MBNL1: variants seen among roughly 807,000 people sequenced by gnomAD.
The protein encoded by MBNL1 is muscleblind-like protein 1.
In MBNL1, 8 loss-of-function variants were observed where a neutral mutation model predicts 42.2. The observed-to-expected ratio is 0.19, with a 90% CI of 0.11 to 0.34. The LOEUF is 0.34. Among genes scored for constraint, MBNL1 ranks in the 10% least tolerant of loss-of-function variants. MBNL1 has a pLI of 1.00. For missense variants in MBNL1, 309 were observed against 495.3 expected (o/e 0.62, Z 3.57); for synonymous variants, 169 against 173.9 (o/e 0.97, Z 0.22).
chr3:152,442,609 G>A (rs917152456), intron 4 of MBNL1, among the ~76,000 whole-genome samples: 16 of 152,288 alleles, frequency 1.1e-4, no homozygotes, highest in South Asian at 1.0e-3. Context: ...GTAATAGTAT[G>A]TCTAAGAGAT....
At chr3:152,424,814 A>C (rs1303099291) in intron 3 of MBNL1, among the ~76,000 whole-genome samples, 1 of 152,236 alleles carries the variant, frequency 6.6e-6, no homozygotes, top group African/African-American at 2.4e-5. Flanking sequence ...TGACAAAAGC[A>C]ATGGGGAAAG....
At chr3:152,418,862 G>A (rs376208752) in intron 3 of MBNL1, among the ~76,000 whole-genome samples, 54 of 151,874 alleles carry the variant, frequency 3.6e-4, no homozygotes, top group African/African-American at 1.1e-3. Context: ...GACTACAGGC[G>A]CCCGCCCCCG....
chr3:152,329,167 T>C (rs1322947191), intron 2 of MBNL1, among the ~76,000 whole-genome samples: 1 of 152,098 alleles, frequency 6.6e-6, no homozygotes. Flanking sequence ...TGTGAGCTTA[T>C]TTGGGAGCTA....
intron 2 of MBNL1, among the ~76,000 whole-genome samples, chr3:152,327,939 A>T (rs1026720969): frequency 6.6e-6 from 1 of 152,046 alleles, no homozygotes; most frequent in African/African-American, 2.4e-5. Context: ...TGTTTAGGAC[A>T]CTGTATGTGA....
intron 2 of MBNL1, among the ~76,000 whole-genome samples, chr3:152,400,083 T>A (rs970295328): frequency 4.2e-4 from 64 of 152,198 alleles, no homozygotes; most frequent in African/African-American, 1.5e-3. Context: ...TTTCCTGATT[T>A]GTACTATGAG....
chr3:152,405,770 A>G (rs2098411838), intron 2 of MBNL1, among the ~76,000 whole-genome samples: 1 of 152,182 alleles, frequency 6.6e-6, no homozygotes, highest in Admixed American at 6.6e-5. Context: ...AATATTTATA[A>G]CACATTTTGT....
At position 152,449,875 on chromosome 3, in the gene MBNL1, C is replaced by T. The variant is rs890226056; in HGVS notation, c.961+2102C>T. ...ATCCTAGCACTTTGGGAGGCCGAGG[C>T]AGGTGGCTCACTTGAGGTCAGGAGT... On this transcript the variant is annotated intron_variant, in intron 6 of 9. Coordinates refer to ENST00000324210, the MANE Select transcript of MBNL1 (RefSeq NM_021038.5). Among the ~76,000 whole-genome samples, 4 of 152,178 alleles carry T rather than the reference C, an allele frequency of 2.6e-5. No homozygotes were observed. In the South Asian group the frequency reaches 8.3e-4, roughly 32 times the overall value.
chr3:152,430,091 G>A (rs538113713), intron 3 of MBNL1, among the ~76,000 whole-genome samples: 1 of 152,230 alleles, frequency 6.6e-6, no homozygotes, highest in African/African-American at 2.4e-5. Flanking sequence ...AAATATTATT[G>A]CCAGTTATTA....
At position 152,391,675 on chromosome 3, in the gene MBNL1, G is replaced by T. The variant is rs1479778093; in HGVS notation, c.175-23266G>T. 3.9e-5 allele frequency among the ~76,000 whole-genome samples: 6 copies of T among 152,314 alleles called. No homozygotes were observed. In the South Asian group the frequency reaches 1.2e-3, roughly 32 times the overall value. On this transcript the variant is annotated intron_variant, in intron 2 of 9. Transcript: ENST00000324210. ...ATGTGCAGCATATTGCTAAACACAT[G>T]TGAGACATTATTGTAGTGATATTTC... is the stretch of plus-strand genomic sequence containing the variant.
chr3:152,313,095 T>C (rs191604081), intron 2 of MBNL1, among the ~76,000 whole-genome samples: 247 of 152,056 alleles, frequency 1.6e-3, no homozygotes, highest in African/African-American at 5.5e-3. Flanking sequence ...CGATCTCGGC[T>C]CACTGCAACC....
chr3:152,315,510 C>T (rs2070294725), intron 2 of MBNL1, among the ~76,000 whole-genome samples: 1 of 152,024 alleles, frequency 6.6e-6, no homozygotes, highest in Admixed American at 6.5e-5. Context: ...GTTCTTTTTG[C>T]TTACTACAGT....
intron 2 of MBNL1, among the ~76,000 whole-genome samples, chr3:152,376,241 G>T (rs1056421603): frequency 6.6e-6 from 1 of 152,146 alleles, no homozygotes; most frequent in Non-Finnish European, 1.5e-5. Flanking sequence ...TATTTAAAAT[G>T]TAAGATTTTT....
rs1740278103 is a variant in MBNL1, at chr3:152,459,344, C to T, written c.*17C>T. 6.5e-7 allele frequency: 1 copy of T among 1,530,314 alleles called. No homozygotes were observed. The highest frequency in any genetic ancestry group is 1.4e-5 in the African/African-American group (1 of 72,132). 94.8% of individuals were successfully genotyped at this position (1,530,314 alleles called of 1,614,324 possible). A position where few individuals can be genotyped will look rare whatever the true frequency, so the allele number is the denominator to read the frequency against. Reference sequence around the variant, plus strand: ...CAGATGTAGAATTTTCATCACTAAACAGTAAGTTCATTATGTAATATATAG... The same window carrying T: ...CAGATGTAGAATTTTCATCACTAAATAGTAAGTTCATTATGTAATATATAG... On this transcript the variant is annotated splice_region_variant and 3_prime_UTR_variant, in exon 9 of 10. Transcript: ENST00000324210.
intron 6 of MBNL1, among the ~76,000 whole-genome samples, chr3:152,452,231 T>C (rs557593755): frequency 6.6e-6 from 1 of 152,380 alleles, no homozygotes; most frequent in South Asian, 2.1e-4. Context: ...ATTTATGTTA[T>C]ATATATGAGT....
chr3:152,374,411 C>G (rs2096810176), intron 2 of MBNL1, among the ~76,000 whole-genome samples: 1 of 152,172 alleles, frequency 6.6e-6, no homozygotes. Context: ...TTTCTGTAAT[C>G]AGGGTCAGCC....
intron 2 of MBNL1, among the ~76,000 whole-genome samples, chr3:152,402,444 T>C (rs1026011479): frequency 7.9e-5 from 12 of 152,192 alleles, no homozygotes; most frequent in African/African-American, 2.9e-4. Context: ...ACAAGCAACT[T>C]TCTGATTTCA....
intron 1 of MBNL1, among the ~76,000 whole-genome samples, chr3:152,271,618 C>G (rs2041965351): frequency 1.3e-5 from 2 of 152,012 alleles, no homozygotes; most frequent in East Asian, 1.9e-4. Context: ...TTTTAAAATT[C>G]TGTATGCAAA....
chr3:152,265,670 T>C (rs1474332092), upstream of MBNL1: 1 of 152,252 alleles, frequency 6.6e-6, no homozygotes, highest in East Asian at 1.9e-4. Context: ...TTCATTGGTA[T>C]AATTAAAACT....
intron 2 of MBNL1, among the ~76,000 whole-genome samples, chr3:152,245,926 A>G (rs935605669): frequency 6.6e-6 from 1 of 152,150 alleles, no homozygotes; most frequent in Non-Finnish European, 1.5e-5. Flanking sequence ...ACACTAATTA[A>G]ACACAACTGC....
Sources: allele counts gnomAD v4.1 joint callset (sites outside exome capture counted in the v4.1 genomes callset), GRCh38; gene constraint gnomAD v4.1.1; transcripts MANE v1.5; gene names NCBI Gene and HGNC (gene_info 2026-07-23, HGNC 2026-07-21).